The following PARVB variants were observed in gnomAD, a reference collection of about 807,000 sequenced individuals.
PARVB encodes beta-parvin.
Under a neutral mutation model 47.0 loss-of-function variants are expected in PARVB, and 46 were observed. That is an observed-to-expected ratio of 0.98 (90% CI 0.77 to 1.25). The LOEUF (loss-of-function observed/expected upper bound fraction) is 1.25. PARVB is among the 50% of genes most tolerant of loss of function. The pLI is 0.00. For synonymous variants in PARVB, 196 were observed against 196.3 expected, an observed-to-expected ratio of 1.00 and a Z score of 0.01; for missense variants, 473 against 471.6, an observed-to-expected ratio of 1.00 and a Z score of -0.03.
In PARVB at chr22:44,131,471, G is replaced by C; in HGVS notation, c.377-16G>C. 2 of 1,612,950 alleles carry C rather than the reference G, an allele frequency of 1.2e-6. No individual in the cohort carries two copies. Among genetic ancestry groups the C allele is most frequent in the Non-Finnish European group, 1.7e-6 (2 of 1,179,438 alleles). Reference sequence around the variant, plus strand: ...CAGCTTTTTCTGACCCTCTTCTCTTGTGCTTCTCATTGCAGAAAAACTGGC... The same window carrying C: ...CAGCTTTTTCTGACCCTCTTCTCTTCTGCTTCTCATTGCAGAAAAACTGGC... On this transcript the variant is annotated splice_polypyrimidine_tract_variant and intron_variant, in intron 4 of 12. Transcript: ENST00000338758.
chr22:44,142,711 AG>A (rs1490021385), intron 8 of PARVB: 1 of 152,214 alleles, frequency 6.6e-6, no homozygotes, highest in Non-Finnish European at 1.5e-5. Context: ...CTGCCACTCC[AG>A]GGGTGGGAGG....
chr22:44,108,635 A>T (rs969720812), intron 3 of PARVB: 3 of 152,138 alleles, frequency 2.0e-5, no homozygotes, highest in African/African-American at 7.2e-5. Context: ...GGAAAATTAC[A>T]GTCAAAGGGG....
intron 1 of PARVB, among the ~76,000 whole-genome samples, chr22:44,073,488 A>G (rs111517561): frequency 2.0e-5 from 3 of 152,296 alleles, no homozygotes; most frequent in African/African-American, 7.2e-5. Context: ...AGTGAGAGTC[A>G]GTCTCAAAAA....
At chr22:44,130,719 T>C (rs1368837315) in intron 4 of PARVB, among the ~76,000 whole-genome samples, 2 of 152,206 alleles carry the variant, frequency 1.3e-5, no homozygotes, top group African/African-American at 4.8e-5. Flanking sequence ...AGGGACAGTC[T>C]TCTCACCTCC....
At chr22:44,064,330 C>T (rs1207825266) in intron 1 of PARVB, among the ~76,000 whole-genome samples, 3 of 152,202 alleles carry the variant, frequency 2.0e-5, no homozygotes, top group African/African-American at 7.2e-5. Flanking sequence ...CAGGCATGCG[C>T]CGTGCCCAGG....
At chr22:44,156,502 C>T (rs2053937908) in intron 10 of PARVB, among the ~76,000 whole-genome samples, 2 of 152,274 alleles carry the variant, frequency 1.3e-5, no homozygotes, top group Non-Finnish European at 2.9e-5. Flanking sequence ...TGGTCTTGAA[C>T]TCCTGACCTT....
At chr22:44,026,605 A>G (rs1280034018) in intron 1 of PARVB, among the ~76,000 whole-genome samples, 1 of 152,208 alleles carries the variant, frequency 6.6e-6, no homozygotes, top group Non-Finnish European at 1.5e-5. Context: ...TGCCTTGGCA[A>G]CATGCGCTTC....
chr22:44,088,687 G>A (rs2052090589), intron 1 of PARVB, among the ~76,000 whole-genome samples: 1 of 152,138 alleles, frequency 6.6e-6, no homozygotes, highest in Non-Finnish European at 1.5e-5. Flanking sequence ...GGTCAGGCTG[G>A]TCTCGAAGTC....
chr22:44,136,529 C>G lies in PARVB; in HGVS notation c.692+11C>G. ...GACCACAACTACAGAGTAAGTGGACCCCTGTCTTGCCCTTCCAGGCCCTGC... is the reference window on the plus strand; with the variant it reads ...GACCACAACTACAGAGTAAGTGGACGCCTGTCTTGCCCTTCCAGGCCCTGC... On this transcript the variant is annotated intron_variant, in intron 7 of 12. Transcript: ENST00000338758. 1 of 1,611,560 alleles carries G rather than the reference C, an allele frequency of 6.2e-7. No homozygotes were observed. The highest frequency in any genetic ancestry group is 1.1e-5 in the South Asian group (1 of 91,026).
At chr22:44,067,224 G>A (rs572405413) in intron 1 of PARVB, among the ~76,000 whole-genome samples, 1 of 152,340 alleles carries the variant, frequency 6.6e-6, no homozygotes, top group South Asian at 2.1e-4. Flanking sequence ...TTGCCTGGCA[G>A]GTAGGAGGCA....
chr22:44,088,385 A>G (rs1168980667), intron 1 of PARVB, among the ~76,000 whole-genome samples: 1 of 152,206 alleles, frequency 6.6e-6, no homozygotes, highest in Non-Finnish European at 1.5e-5. Flanking sequence ...AAGATCAGGT[A>G]GAACTGGCTT....
chr22:44,128,411 A>T (rs1243649538), intron 4 of PARVB, among the ~76,000 whole-genome samples: 1 of 152,238 alleles, frequency 6.6e-6, no homozygotes, highest in Non-Finnish European at 1.5e-5. Flanking sequence ...TCCTGGCCAC[A>T]ACAGAGCCCT....
chr22:44,076,613 C>T lies in PARVB; in HGVS notation c.113-17315C>T, dbSNP rs368065913. Among the ~76,000 whole-genome samples the T allele has an allele frequency of 7.9e-5, 12 of 152,288 alleles. No individual in the cohort carries two copies. The East Asian group carries it at 1.7e-3, about 22-fold the overall frequency. The stretch of plus-strand genomic sequence containing the variant: ...GCAATGGCAGGAGCAGTGTATGCCT[C>T]GTGGTGCAGGGAGCACGAGTTGTTT... On this transcript the variant is annotated intron_variant, in intron 1 of 12. Coordinates refer to ENST00000338758, the MANE Select transcript of PARVB (RefSeq NM_013327.5).
upstream of PARVB, among the ~76,000 whole-genome samples, chr22:44,023,855 T>C (rs1247575065): frequency 6.6e-6 from 1 of 152,238 alleles, no homozygotes; most frequent in Admixed American, 6.5e-5. Context: ...CCCTCCATCC[T>C]CTAAGCTTCC....
intron 1 of PARVB, among the ~76,000 whole-genome samples, chr22:44,073,500 A>G (rs2051699821): frequency 6.6e-6 from 1 of 152,186 alleles, no homozygotes; most frequent in Non-Finnish European, 1.5e-5. Context: ...TCTCAAAAAA[A>G]AGAAGTGAAT....
At chr22:44,123,327 G>A (rs990770025) in intron 4 of PARVB, among the ~76,000 whole-genome samples, 8 of 152,182 alleles carry the variant, frequency 5.3e-5, no homozygotes, top group Admixed American at 2.0e-4. Context: ...CACGCTGATC[G>A]GGGAGGGTCC....
chr22:44,098,358 T>C (rs2052358502), intron 2 of PARVB, among the ~76,000 whole-genome samples: 1 of 152,134 alleles, frequency 6.6e-6, no homozygotes, highest in African/African-American at 2.4e-5. Context: ...TTGGAAGATT[T>C]GGCATTCGGG....
chr22:44,164,966 C>T (rs2054134974), intron 12 of PARVB, among the ~76,000 whole-genome samples: 1 of 152,178 alleles, frequency 6.6e-6, no homozygotes, highest in Non-Finnish European at 1.5e-5. Flanking sequence ...GACAATTTCA[C>T]ACCCTCCTGT....
intron 1 of PARVB, among the ~76,000 whole-genome samples, chr22:44,080,032 T>C (rs969548850): frequency 6.6e-6 from 1 of 152,224 alleles, no homozygotes; most frequent in Admixed American, 6.5e-5. Context: ...TGTGATTTTA[T>C]CCACAGTGTT....
Sources: gnomAD v4.1 joint callset for allele counts (sites outside exome capture counted in the v4.1 genomes callset) on GRCh38, gnomAD v4.1.1 for gene constraint, MANE v1.5 for transcripts, NCBI Gene and HGNC (gene_info 2026-07-23, HGNC 2026-07-21) for gene names.